UACA: variants seen among roughly 807,000 people sequenced by gnomAD.
The protein encoded by UACA is uveal autoantigen with coiled-coil domains and ankyrin repeats, also known as nuclear membrane binding protein.
Under a neutral mutation model 160.5 loss-of-function variants are expected in UACA, and 112 were observed. That is an observed-to-expected ratio of 0.70 (90% CI 0.60 to 0.82). The LOEUF is 0.82. UACA is among the 40% of genes least tolerant of loss of function. UACA has a pLI of 0.00. For missense variants in UACA, 1,574 were observed against 1,614.6 expected (o/e 0.97, Z 0.43); for synonymous variants, 557 against 568.4 (o/e 0.98, Z 0.29).
chr15:70,758,508 T>G (rs951839344), intron 1 of UACA: 1 of 152,216 alleles, frequency 6.6e-6, no homozygotes, highest in Non-Finnish European at 1.5e-5. Context: ...AGAATAACAT[T>G]AAGATCTTTT....
intron 1 of UACA, among the ~76,000 whole-genome samples, chr15:70,704,920 G>GTT (rs1945838622): frequency 6.6e-6 from 1 of 152,156 alleles, no homozygotes; most frequent in Non-Finnish European, 1.5e-5. Flanking sequence ...AGATTAAAAA[G>GTT]GGAAGTGATG....
intron 1 of UACA, among the ~76,000 whole-genome samples, chr15:70,757,941 A>T (rs572176571): frequency 1.1e-4 from 16 of 152,136 alleles, no homozygotes; most frequent in Non-Finnish European, 2.2e-4. Flanking sequence ...TTCGAAGAGG[A>T]CCTAATTAAT....
chr15:70,710,246 C>A (rs1464455150), intron 1 of UACA, among the ~76,000 whole-genome samples: 2 of 152,052 alleles, frequency 1.3e-5, no homozygotes, highest in African/African-American at 4.8e-5. Flanking sequence ...TACAGCAAGA[C>A]CCTGTCTCCA....
intron 3 of UACA, among the ~76,000 whole-genome samples, chr15:70,693,220 T>A (rs2140954422): frequency 6.6e-6 from 1 of 152,202 alleles, no homozygotes; most frequent in Non-Finnish European, 1.5e-5. Flanking sequence ...CACATAAAAA[T>A]GTCAGATCAG....
intron 1 of UACA, among the ~76,000 whole-genome samples, chr15:70,757,479 G>T (rs900195178): frequency 2.2e-4 from 33 of 152,070 alleles, no homozygotes; most frequent in Non-Finnish European, 3.2e-4. Context: ...TCATATATTA[G>T]CTGGGACAGA....
chr15:70,761,957 T>C (rs1356848269), intron 1 of UACA, among the ~76,000 whole-genome samples: 1 of 152,170 alleles, frequency 6.6e-6, no homozygotes, highest in Non-Finnish European at 1.5e-5. Context: ...GTATCTTCTA[T>C]AAGGCTAAAA....
chr15:70,686,027 C>T (rs1477011592), intron 7 of UACA, among the ~76,000 whole-genome samples: 3 of 151,800 alleles, frequency 2.0e-5, no homozygotes, highest in South Asian at 2.1e-4. Flanking sequence ...CGCGCCCAGC[C>T]GTAAAATTTA....
chr15:70,676,328 C>A (rs1897302936), intron 13 of UACA, 165 bp downstream of exon 13: 3 of 526,974 alleles, frequency 5.7e-6, no homozygotes, highest in Non-Finnish European at 1.0e-5. Flanking sequence ...GAGAAAGAGA[C>A]AATCACCCCA....
intron 1 of UACA, among the ~76,000 whole-genome samples, chr15:70,718,288 GAGGA>G (rs1461341572): frequency 2.0e-5 from 3 of 148,058 alleles, no homozygotes; most frequent in Admixed American, 1.4e-4. Context: ...GAGAGGGAGA[GAGGA>G]AGGGAGAGAG....
rs34361847 is a variant in UACA, at chr15:70,700,318, TAC to T, written c.79-660_79-659del. 2.9e-3 allele frequency among the ~76,000 whole-genome samples: 409 copies of T among 139,468 alleles called. 4 individuals are homozygous for T. The highest frequency in any genetic ancestry group is 7.1e-3 in the Middle Eastern group (2 of 280). The allele number at this position is 139,468 out of a possible 152,430, so 91.5% of individuals were successfully genotyped here. The stretch of plus-strand genomic sequence containing the variant: ...GGCAAATTGTATATATATATATATA[TAC>T]ACACACACACACACACACACATTCT... On this transcript the variant is annotated intron_variant, in intron 1 of 18. Transcript: ENST00000322954.
At chr15:70,690,653 T>C (rs993664054) in intron 4 of UACA, 142 bp from the exon 5 acceptor site, 6 of 622,474 alleles carry the variant, frequency 9.6e-6, no homozygotes, top group Non-Finnish European at 1.4e-5. Context: ...ATCCATGAAA[T>C]ATGCTGACAT....
chr15:70,717,295 C>G (rs1017891721), intron 1 of UACA, among the ~76,000 whole-genome samples: 5 of 152,174 alleles, frequency 3.3e-5, no homozygotes, highest in African/African-American at 1.2e-4. Flanking sequence ...TGAATGGAAA[C>G]ACTAAACTAG....
chr15:70,735,232 G>A (rs1161771021), intron 1 of UACA, among the ~76,000 whole-genome samples: 2 of 147,302 alleles, frequency 1.4e-5, no homozygotes, highest in African/African-American at 4.9e-5. Context: ...CTGAAAAACT[G>A]CATACTGCGT....
chr15:70,661,637 G>A (rs991195516), intron 17 of UACA: 1 of 152,088 alleles, frequency 6.6e-6, no homozygotes, highest in South Asian at 2.1e-4. Context: ...TGACTGGGCC[G>A]TTTTACTTAG....
Position 70,668,195 on chromosome 15 carries a change from A to G in UACA, c.2489T>C (p.Leu830Pro). 2 of 1,610,854 alleles carry G rather than the reference A, an allele frequency of 1.2e-6. No homozygotes were observed. The highest frequency in any genetic ancestry group is 1.7e-6 in the Non-Finnish European group (2 of 1,179,358). Reference sequence around the variant, plus strand: ...CTGGTCTTCACCACATTTTTTCTTAAGTTCAGACAGCTGTTTCTTAAGTTC... The same window carrying G: ...CTGGTCTTCACCACATTTTTTCTTAGGTTCAGACAGCTGTTTCTTAAGTTC... ...IVELKKQLSE[L>P]KKKCGEDQEK... The change falls in exon 16 of 19, where the codon CTT becomes CCT. Residue 830 changes from leucine to proline, a missense_variant. Transcript: ENST00000322954.
At chr15:70,739,471 G>A (rs1034634247) in intron 1 of UACA, among the ~76,000 whole-genome samples, 1 of 150,944 alleles carries the variant, frequency 6.6e-6, no homozygotes, top group African/African-American at 2.5e-5. Flanking sequence ...ATGAATAAAG[G>A]GATGAATTAA....
At chr15:70,761,339 T>C (rs2030740404) in intron 1 of UACA, among the ~76,000 whole-genome samples, 1 of 152,112 alleles carries the variant, frequency 6.6e-6, no homozygotes, top group Admixed American at 6.5e-5. Flanking sequence ...TTTTTATTCC[T>C]TTCCAATATT....
At chr15:70,753,627 G>A (rs998260540) in intron 1 of UACA, among the ~76,000 whole-genome samples, 3 of 152,066 alleles carry the variant, frequency 2.0e-5, no homozygotes, top group Non-Finnish European at 4.4e-5. Context: ...TTAGGGTTGC[G>A]GTGAGGATTG....
In UACA at chr15:70,664,731, G is replaced by A; in HGVS notation, c.4044C>T (p.Pro1348=). The change falls in exon 17 of 19, where the codon CCC becomes CCT. Residue 1348 remains proline (P), a synonymous_variant. Transcript: ENST00000322954. ...CAATCAGCTGGCTCTGCCTCTTGGT[G>A]GGGTTCCCACTTGTGTAGGTGAGTT... ...LSQLTYTSGN[P]TKRQSQLIDT... is the part of the protein sequence containing the mutation. 6.2e-7 allele frequency: 1 copy of A among 1,613,664 alleles called. No individual in the cohort carries two copies. Among genetic ancestry groups the A allele is most frequent in the Non-Finnish European group, 8.5e-7 (1 of 1,179,834 alleles).
Sources: allele counts gnomAD v4.1 joint callset (sites outside exome capture counted in the v4.1 genomes callset), GRCh38; gene constraint gnomAD v4.1.1; transcripts MANE v1.5; gene names NCBI Gene and HGNC (gene_info 2026-07-23, HGNC 2026-07-21).